Variants in PHF24 observed in about 807,000 individuals in gnomAD.
PHF24 encodes Galpha inhibitory interacting protein.
Under a neutral mutation model 42.6 loss-of-function variants are expected in PHF24, and 25 were observed. The ratio of observed to expected loss-of-function variants is 0.59; its 90% CI spans 0.43 to 0.82. The LOEUF (loss-of-function observed/expected upper bound fraction) is 0.82. Ranked by LOEUF, PHF24 falls within the 40% of genes least tolerant of loss-of-function variation. The probability of loss-of-function intolerance (pLI) is 0.00; values close to 1 mark genes in which losing one functional copy is unlikely to be tolerated. For synonymous variants in PHF24, 185 were observed against 204.8 expected (o/e 0.90, Z 0.83); for missense variants, 470 against 538.1 (o/e 0.87, Z 1.25).
At chr9:34,907,202 G>A in the PHF24 span, among the ~76,000 whole-genome samples, 1 of 152,124 alleles carries the variant, frequency 6.6e-6, no homozygotes, top group Non-Finnish European at 1.5e-5. Flanking sequence ...GACAACCTTT[G>A]TTCCCGTGTA....
At chr9:34,910,671 A>G in the PHF24 span, among the ~76,000 whole-genome samples, 1 of 152,230 alleles carries the variant, frequency 6.6e-6, no homozygotes, top group Non-Finnish European at 1.5e-5. Flanking sequence ...GTGTATTTAC[A>G]TAGTAGTCTA....
At chr9:34,810,238 T>C in the PHF24 span, among the ~76,000 whole-genome samples, 5 of 152,108 alleles carry the variant, frequency 3.3e-5, no homozygotes, top group African/African-American at 1.2e-4. Context: ...CTCCGGGGAC[T>C]CTGAGGTGCT....
the PHF24 span, among the ~76,000 whole-genome samples, chr9:34,683,779 GT>G: frequency 6.6e-6 from 1 of 152,220 alleles, no homozygotes; most frequent in Non-Finnish European, 1.5e-5. Flanking sequence ...TGAGTTCTGG[GT>G]GGGTGCTCCC....
At chr9:34,932,397 T>C in the PHF24 span, among the ~76,000 whole-genome samples, 396 of 152,312 alleles carry the variant, frequency 2.6e-3, no homozygotes, top group Non-Finnish European at 2.6e-3. Flanking sequence ...AGACTCGCAG[T>C]AGCTGTCTTT....
At chr9:34,671,740 A>G in the PHF24 span, among the ~76,000 whole-genome samples, 1 of 152,132 alleles carries the variant, frequency 6.6e-6, no homozygotes, top group Non-Finnish European at 1.5e-5. Context: ...GTGGAGTGCT[A>G]TTCTGTTTCC....
At chr9:34,720,468 A>AC in the PHF24 span, among the ~76,000 whole-genome samples, 1 of 148,288 alleles carries the variant, frequency 6.7e-6, no homozygotes, top group African/African-American at 2.5e-5. Context: ...AAAACAAAAC[A>AC]AAACAAAAAA....
At chr9:34,976,284 C>T in intron 4 of PHF24, 54 bp downstream of exon 4, 3 of 1,426,940 alleles carry the variant, frequency 2.1e-6, no homozygotes, top group East Asian at 2.3e-5. Flanking sequence ...ATTTCTCCTT[C>T]AGGCTTTCTA....
chr9:34,857,549 G>A, the PHF24 span, among the ~76,000 whole-genome samples: 30 of 152,238 alleles, frequency 2.0e-4, no homozygotes, highest in African/African-American at 7.2e-4. Flanking sequence ...TGAGGGTGTG[G>A]GTTCTGCTGG....
chr9:34,912,577 A>G, the PHF24 span, among the ~76,000 whole-genome samples: 7 of 152,282 alleles, frequency 4.6e-5, no homozygotes, highest in South Asian at 8.3e-4. Context: ...CCCATCACCT[A>G]TGTCCCAGAC....
chr9:34,845,030 A>G, the PHF24 span, among the ~76,000 whole-genome samples: 1 of 152,186 alleles, frequency 6.6e-6, no homozygotes, highest in Admixed American at 6.6e-5. Context: ...TGCTATATTT[A>G]CAATGATTAT....
rs1411191151 is a variant in PHF24 at position 34,976,153 on chromosome 9, A to G, written c.566A>G (p.Asp189Gly). The change falls in exon 4 of 8, where the codon GAC becomes GGC. Residue 189 changes from aspartate to glycine, a missense_variant and splice_region_variant. Coordinates refer to ENST00000242315, the Ensembl canonical transcript of PHF24. ...GACTCAGCTCTTCCTTATTTTCAGG[A>G]CAACATCAACTTGCTGCTTACTGAG... 5 of 1,613,326 alleles carry G rather than the reference A, an allele frequency of 3.1e-6. No homozygotes were observed. In the African/African-American group the frequency reaches 6.7e-5, roughly 22 times the overall value.
At chr9:34,705,376 C>T in the PHF24 span, among the ~76,000 whole-genome samples, 7 of 152,290 alleles carry the variant, frequency 4.6e-5, no homozygotes, top group African/African-American at 1.7e-4. Flanking sequence ...CTATATGGCT[C>T]CCAGGCTCAA....
chr9:34,746,914 C>T, the PHF24 span, among the ~76,000 whole-genome samples: 1 of 152,124 alleles, frequency 6.6e-6, no homozygotes, highest in South Asian at 2.1e-4. Flanking sequence ...AGACTATCTT[C>T]ATTACCTTGA....
At chr9:34,666,782 C>T in the PHF24 span, among the ~76,000 whole-genome samples, 7 of 152,030 alleles carry the variant, frequency 4.6e-5, no homozygotes, top group Non-Finnish European at 7.4e-5. Context: ...CCCGTCTCTA[C>T]TAAAAATACA....
the PHF24 span, among the ~76,000 whole-genome samples, chr9:34,944,454 C>T: frequency 6.6e-6 from 1 of 152,194 alleles, no homozygotes; most frequent in Non-Finnish European, 1.5e-5. Flanking sequence ...GCCTAACAGC[C>T]AGGAGAAGGG....
At chr9:34,966,588 C>A (rs894823786) in intron 1 of PHF24, among the ~76,000 whole-genome samples, 2 of 151,840 alleles carry the variant, frequency 1.3e-5, no homozygotes, top group Non-Finnish European at 1.5e-5. Context: ...AGACCCCCCC[C>A]CTCGCCCCAT....
the PHF24 span, among the ~76,000 whole-genome samples, chr9:34,721,271 G>GCTA: frequency 6.6e-6 from 1 of 152,130 alleles, no homozygotes; most frequent in Admixed American, 6.5e-5. Context: ...CATCCACCAT[G>GCTA]CTATGTCTCC....
upstream of PHF24, among the ~76,000 whole-genome samples, chr9:34,957,093 C>T (rs1180602403): frequency 6.6e-6 from 1 of 152,296 alleles, no homozygotes; most frequent in African/African-American, 2.4e-5. Context: ...TTAATGACAA[C>T]ATATTTAAAC....
At chr9:34,932,179 C>T in the PHF24 span, among the ~76,000 whole-genome samples, 69,498 of 151,820 alleles carry the variant, frequency 0.46, 16,326 homozygotes, top group Non-Finnish European at 0.51. Flanking sequence ...CTGCTTTTTT[C>T]AACATAGCCA....
Sources: allele counts gnomAD v4.1 joint callset (sites outside exome capture counted in the v4.1 genomes callset), GRCh38; gene constraint gnomAD v4.1.1; transcripts MANE v1.5; gene names NCBI Gene and HGNC (gene_info 2026-07-23, HGNC 2026-07-21).